The following PKNOX2 variants were observed in gnomAD, a reference collection of about 807,000 sequenced individuals.
The protein encoded by PKNOX2 is PBX/knotted 1 homeobox 2.
Under a neutral mutation model 53.1 loss-of-function variants are expected in PKNOX2, and 14 were observed. That is an observed-to-expected ratio of 0.26 (90% CI 0.17 to 0.41). The LOEUF (loss-of-function observed/expected upper bound fraction) is 0.41. Among genes scored for constraint, PKNOX2 ranks in the 10% least tolerant of loss-of-function variants. The pLI is 1.00. For missense variants in PKNOX2, 496 were observed against 602.8 expected (o/e 0.82, Z 1.85); for synonymous variants, 257 against 242.8 (o/e 1.06, Z -0.54).
intron 7 of PKNOX2, among the ~76,000 whole-genome samples, chr11:125,402,248 G>A (rs1404283719): frequency 6.6e-6 from 1 of 152,076 alleles, no homozygotes; most frequent in Non-Finnish European, 1.5e-5. Flanking sequence ...AACCCATCCT[G>A]TGCTGCAGGC....
Position 125,421,008 on chromosome 11 carries a change from A to G in PKNOX2, c.937-8004A>G, listed in dbSNP as rs1956141657. ...ACCAAAGTGGCTTTTAGGACTGGCC[A>G]GGAAAACTGCCTGTTTTTAGAATAA... On this transcript the variant is annotated intron_variant, in intron 10 of 12. Transcript: ENST00000298282. 2.6e-5 allele frequency among the ~76,000 whole-genome samples: 4 copies of G among 152,202 alleles called. No homozygotes were observed. In the South Asian group the frequency reaches 8.3e-4, roughly 31 times the overall value.
chr11:125,392,634 T>C (rs957417703), intron 6 of PKNOX2, among the ~76,000 whole-genome samples: 1 of 152,242 alleles, frequency 6.6e-6, no homozygotes, highest in Non-Finnish European at 1.5e-5. Context: ...CTTCTGAGTA[T>C]ATTTTACTTT....
chr11:125,323,712 G>C (rs998835242), intron 2 of PKNOX2, among the ~76,000 whole-genome samples: 1 of 152,214 alleles, frequency 6.6e-6, no homozygotes, highest in Non-Finnish European at 1.5e-5. Flanking sequence ...AAGTCAGAGA[G>C]AGGCTTCCGA....
In PKNOX2 at chr11:125,178,441, G is replaced by A. The variant is rs1955851330; in HGVS notation, c.-201+13665G>A. 2.0e-5 allele frequency among the ~76,000 whole-genome samples: 3 copies of A among 151,072 alleles called. No homozygotes were observed. In the South Asian group the frequency reaches 6.3e-4, roughly 32 times the overall value. On this transcript the variant is annotated intron_variant, in intron 1 of 12. Transcript: ENST00000298282. The stretch of plus-strand genomic sequence containing the variant: ...CAGGAGAATCGCTTGAACCCGGGAG[G>A]CGGAGGTTGCGGTGAGCCGAGATTG...
chr11:125,403,114 G>C (rs1436122988), intron 7 of PKNOX2, among the ~76,000 whole-genome samples: 1 of 152,154 alleles, frequency 6.6e-6, no homozygotes, highest in Non-Finnish European at 1.5e-5. Flanking sequence ...CCCTAGAGAG[G>C]AGATGGGGTG....
chr11:125,254,410 A>G (rs1353180969), intron 2 of PKNOX2, among the ~76,000 whole-genome samples: 1 of 152,172 alleles, frequency 6.6e-6, no homozygotes, highest in Non-Finnish European at 1.5e-5. Context: ...GATCTGCCTG[A>G]GGGCAGCAAG....
chr11:125,424,346 A>G (rs945479867), intron 10 of PKNOX2, among the ~76,000 whole-genome samples: 5 of 152,188 alleles, frequency 3.3e-5, no homozygotes, highest in African/African-American at 9.7e-5. Flanking sequence ...TTTATTCTAA[A>G]AGACTTTTTT....
intron 6 of PKNOX2, among the ~76,000 whole-genome samples, chr11:125,390,945 C>A (rs972094436): frequency 1.3e-5 from 2 of 152,126 alleles, no homozygotes; most frequent in Non-Finnish European, 2.9e-5. Flanking sequence ...TCTAGTGACC[C>A]CACACTTCCA....
chr11:125,238,144 T>G (rs1269537273), intron 2 of PKNOX2, among the ~76,000 whole-genome samples: 1 of 152,076 alleles, frequency 6.6e-6, no homozygotes, highest in Non-Finnish European at 1.5e-5. Flanking sequence ...ATGTCCTAGG[T>G]GCCTTGTTGT....
At chr11:125,267,732 G>A (rs1041698163) in intron 2 of PKNOX2, among the ~76,000 whole-genome samples, 11 of 151,554 alleles carry the variant, frequency 7.3e-5, no homozygotes, top group Admixed American at 2.6e-4. Context: ...GTGTGTGCAT[G>A]TGTTGTGCAT....
chr11:125,322,985 T>C (rs544087146), intron 2 of PKNOX2, among the ~76,000 whole-genome samples: 18 of 152,290 alleles, frequency 1.2e-4, no homozygotes, highest in African/African-American at 3.8e-4. Context: ...TAAAGTCTTA[T>C]TAACACTGGA....
intron 2 of PKNOX2, among the ~76,000 whole-genome samples, chr11:125,264,410 T>G (rs1437463994): frequency 6.6e-6 from 1 of 152,160 alleles, no homozygotes; most frequent in African/African-American, 2.4e-5. Flanking sequence ...GGAAGGGATT[T>G]CATTTTCAGA....
chr11:125,261,892 A>G (rs1325601750), intron 2 of PKNOX2, among the ~76,000 whole-genome samples: 1 of 152,202 alleles, frequency 6.6e-6, no homozygotes, highest in Non-Finnish European at 1.5e-5. Context: ...TAAATTACAG[A>G]GTGTAATGGT....
intron 2 of PKNOX2, among the ~76,000 whole-genome samples, chr11:125,305,754 C>T (rs1027554255): frequency 6.6e-6 from 1 of 152,134 alleles, no homozygotes; most frequent in Admixed American, 6.5e-5. Flanking sequence ...AAGAGGCAAA[C>T]CGACTGAAGT....
chr11:125,228,818 C>G lies in PKNOX2; in HGVS notation c.-200-6227C>G, dbSNP rs140892719. 2.6e-5 allele frequency among the ~76,000 whole-genome samples: 4 copies of G among 152,260 alleles called. No homozygotes were observed. The East Asian group carries it at 7.7e-4, about 29-fold the overall frequency. ...TATTGCTGGTCTGATGGCCATTACC[C>G]TTTTTTGCCAATGCATTCCCCCATT... On this transcript the variant is annotated intron_variant, in intron 1 of 12. Transcript: ENST00000298282.
At chr11:125,297,129 C>T (rs1372589451) in intron 2 of PKNOX2, among the ~76,000 whole-genome samples, 2 of 152,222 alleles carry the variant, frequency 1.3e-5, no homozygotes, top group Admixed American at 6.5e-5. Context: ...AGCATCTGCA[C>T]TTATGTCATT....
intron 2 of PKNOX2, among the ~76,000 whole-genome samples, chr11:125,241,760 CAGG>C (rs1164105912): frequency 2.0e-5 from 3 of 152,144 alleles, no homozygotes; most frequent in Non-Finnish European, 2.9e-5. Context: ...GAGGCTGAGG[CAGG>C]AGAATTGCTT....
At chr11:125,208,050 A>G (rs1199302741) in intron 1 of PKNOX2, among the ~76,000 whole-genome samples, 2 of 152,150 alleles carry the variant, frequency 1.3e-5, no homozygotes, top group Non-Finnish European at 2.9e-5. Context: ...GATGAAAGGT[A>G]TCTTAGGCAA....
intron 1 of PKNOX2, among the ~76,000 whole-genome samples, chr11:125,195,918 C>T (rs1937628598): frequency 7.4e-6 from 1 of 135,242 alleles, no homozygotes; most frequent in Admixed American, 7.3e-5. Context: ...CACACACACA[C>T]ACACAATTCA....
Sources: gnomAD v4.1 joint callset for allele counts (sites outside exome capture counted in the v4.1 genomes callset) on GRCh38, gnomAD v4.1.1 for gene constraint, MANE v1.5 for transcripts, NCBI Gene and HGNC (gene_info 2026-07-23, HGNC 2026-07-21) for gene names.